The following MROH2B variants were observed in gnomAD, a reference collection of about 807,000 sequenced individuals.
MROH2B encodes maestro heat like repeat family member 2B.
In MROH2B, 177 loss-of-function variants were observed where a neutral mutation model predicts 208.6. That is an observed-to-expected ratio of 0.85 (90% CI 0.75 to 0.96). MROH2B has a LOEUF of 0.96. Among genes scored for constraint, MROH2B ranks in the 40% least tolerant of loss-of-function variants. The pLI is 0.00. For synonymous variants in MROH2B, 728 were observed against 659.0 expected, an observed-to-expected ratio of 1.10 and a Z score of -1.60; for missense variants, 2,002 against 1,878.7, an observed-to-expected ratio of 1.07 and a Z score of -1.21.
chr5:41,015,200 T>A (rs575465275), intron 29 of MROH2B, among the ~76,000 whole-genome samples, 181 bp downstream of exon 29: 1 of 152,304 alleles, frequency 6.6e-6, no homozygotes, highest in South Asian at 2.1e-4. Flanking sequence ...TTTCCCACTA[T>A]CTGAAATGAT....
At chr5:40,998,546 C>T in intron 41 of MROH2B, 66 bp downstream of exon 41, 2 of 1,322,820 alleles carry the variant, frequency 1.5e-6, no homozygotes, top group Non-Finnish European at 2.1e-6. Context: ...GAACTTAGAA[C>T]AGCAATATTT....
At chr5:40,998,916 C>A (rs1173743366) in intron 40 of MROH2B, among the ~76,000 whole-genome samples, 3 of 152,166 alleles carry the variant, frequency 2.0e-5, no homozygotes, top group Non-Finnish European at 4.4e-5. Flanking sequence ...ACACAATGAT[C>A]TTCTAAGGAG....
At position 41,001,728 on chromosome 5, in the gene MROH2B, G is replaced by GA. The variant is rs765160072; in HGVS notation, c.4195-896dup. ...CAGGACTCTGTCTCAAAAAAAGAAA[G>GA]AAAAAAAAAAGAAAACAAGAGAAAG... On this transcript the variant is annotated intron_variant, in intron 37 of 41. Coordinates refer to ENST00000399564, the MANE Select transcript of MROH2B (RefSeq NM_173489.5). Among the ~76,000 whole-genome samples the GA allele has an allele frequency of 9.9e-3, 1,460 of 147,174 alleles. 19 individuals are homozygous for GA. Among genetic ancestry groups the GA allele is most frequent in the Non-Finnish European group, 0.012 (772 of 66,596 alleles).
At chr5:41,057,930 T>A (rs1277003551) in intron 7 of MROH2B, 133 bp downstream of exon 7, 1 of 755,064 alleles carries the variant, frequency 1.3e-6, no homozygotes, top group Non-Finnish European at 1.9e-6. Context: ...CTACCTCATA[T>A]TCCTCAAGAG....
chr5:41,064,634 TCC>T (rs1360670542), intron 4 of MROH2B, 64 bp from the exon 5 acceptor site: 3 of 1,239,276 alleles, frequency 2.4e-6, no homozygotes, highest in African/African-American at 1.5e-5. Context: ...GTTCTGTGAC[TCC>T]AAATCAACAA....
At position 41,057,339 on chromosome 5, in the gene MROH2B, C is replaced by T. The variant is rs1384089639; in HGVS notation, c.778G>A (p.Ala260Thr). 1 of 1,580,090 alleles carries T rather than the reference C, an allele frequency of 6.3e-7. No homozygotes were observed. Among genetic ancestry groups the T allele is most frequent in the Non-Finnish European group, 8.6e-7 (1 of 1,161,844 alleles). The change falls in exon 8 of 42, where the codon GCA becomes ACA. Residue 260 changes from alanine to threonine, a missense_variant. Coordinates refer to ENST00000399564, the MANE Select transcript of MROH2B (RefSeq NM_173489.5). The stretch of plus-strand genomic sequence containing the variant: ...AGGCCAATGTCATAAAGAACTGCTG[C>T]AGTCAGTATTTGTTTTAGGCTCTAA... ...VTQSLKQILT[A>T]AVLYDIGLPR...
At chr5:41,058,227 C>A (rs772135345) in intron 6 of MROH2B, 24 bp from the exon 7 acceptor site, 3 of 1,470,152 alleles carry the variant, frequency 2.0e-6, no homozygotes, top group East Asian at 2.6e-5. Context: ...AAACAAATAC[C>A]GTTTCTGAAA....
chr5:41,040,916 C>T (rs914135350), intron 19 of MROH2B, among the ~76,000 whole-genome samples: 1 of 152,128 alleles, frequency 6.6e-6, no homozygotes, highest in East Asian at 1.9e-4. Context: ...CTGCCTGCCT[C>T]AGCCTCCCAA....
At chr5:41,046,653 GA>G (rs1270803453) in intron 17 of MROH2B, among the ~76,000 whole-genome samples, 2 of 150,932 alleles carry the variant, frequency 1.3e-5, no homozygotes, top group Admixed American at 1.3e-4. Context: ...GACAGTTTTG[GA>G]AAAAAAAGAC....
intron 2 of MROH2B, 106 bp downstream of exon 2, chr5:41,069,585 A>T: frequency 1.2e-6 from 1 of 849,962 alleles, no homozygotes; most frequent in East Asian, 2.7e-5. Context: ...AATGCCATGT[A>T]ACAAGCCAGA....
In MROH2B at chr5:41,055,784, C is replaced by A. The variant is rs1304914043; in HGVS notation, c.991G>T (p.Val331Leu). 1.9e-6 allele frequency: 3 copies of A among 1,613,754 alleles called. No homozygotes were observed. The highest frequency in any genetic ancestry group is 2.5e-6 in the Non-Finnish European group (3 of 1,179,842). Residue 331 changes from valine to leucine, a missense_variant, in exon 10 of 42, where the codon GTG becomes TTG. Coordinates refer to ENST00000399564, the MANE Select transcript of MROH2B (RefSeq NM_173489.5). Reference sequence around the variant, plus strand: ...AATCTTAACAAAGTCAAGATTCCCACTCGAATGGCTTCATTATTACTTCTT... The same window carrying A: ...AATCTTAACAAAGTCAAGATTCCCAATCGAATGGCTTCATTATTACTTCTT... Reference protein sequence around the residue: ...QVRSNNEAIRVGILTLLRLAV... With the variant: ...QVRSNNEAIRLGILTLLRLAV...
Position 41,054,758 on chromosome 5 carries a change from TTC to T in MROH2B, c.1107+7_1107+8del. The T allele has an allele frequency of 6.3e-7, 1 of 1,589,162 alleles. No homozygotes were observed. The highest frequency in any genetic ancestry group is 8.6e-7 in the Non-Finnish European group (1 of 1,164,090). On this transcript the variant is annotated splice_region_variant and intron_variant, in intron 11 of 41. Coordinates refer to ENST00000399564, the MANE Select transcript of MROH2B (RefSeq NM_173489.5). ...TACCATCGACAAGAGTTTCTATTAA[TTC>T]TCTTACTTTTGTACTGAGATCACCC...
Position 41,071,338 on chromosome 5 carries a change from G to A in MROH2B, c.-486C>T, listed in dbSNP as rs1370086766. ...TACACTTAGTGAAAATCAGTCATAT[G>A]AACTGAGCATGCTCAGTGGACTGGA... is the stretch of plus-strand genomic sequence containing the variant. On this transcript the variant is annotated 5_prime_UTR_variant, in exon 1 of 42. Coordinates refer to ENST00000399564, the MANE Select transcript of MROH2B (RefSeq NM_173489.5). 3.1e-5 allele frequency: 5 copies of A among 163,374 alleles called. No homozygotes were observed. Among genetic ancestry groups the A allele is most frequent in the South Asian group, 1.8e-4 (1 of 5,554 alleles). 10.1% of individuals were successfully genotyped at this position (163,374 alleles called of 1,614,324 possible).
chr5:41,064,329 T>C (rs1454811227), intron 5 of MROH2B, 143 bp downstream of exon 5: 8 of 618,808 alleles, frequency 1.3e-5, no homozygotes, highest in African/African-American at 3.7e-5. Flanking sequence ...GGACTTTCCA[T>C]GTGGTAGGCA....
At chr5:41,015,687 T>C (rs1431285768) in intron 28 of MROH2B, among the ~76,000 whole-genome samples, 1 of 152,236 alleles carries the variant, frequency 6.6e-6, no homozygotes, top group African/African-American at 2.4e-5. Context: ...ATAAACATTA[T>C]CTGAGGTAGA....
intron 2 of MROH2B, 63 bp downstream of exon 2, chr5:41,069,628 T>C: frequency 7.7e-7 from 1 of 1,299,042 alleles, no homozygotes; most frequent in Non-Finnish European, 1.1e-6. Flanking sequence ...AAGAAAAATA[T>C]ATACGAAATG....
In MROH2B at chr5:41,016,505, T is replaced by TTG. The variant is rs1271179672; in HGVS notation, c.2885-1028_2885-1027insCA. Reference sequence around the variant, plus strand: ...TTCTGTTACTACTGTAATGTTTTTTTTTTTTTTTTTTTTTTTTGAGACAGT... The same window carrying TTG: ...TTCTGTTACTACTGTAATGTTTTTTTTGTTTTTTTTTTTTTTTTTGAGACAGT... On this transcript the variant is annotated intron_variant, in intron 28 of 41. Coordinates refer to ENST00000399564, the MANE Select transcript of MROH2B (RefSeq NM_173489.5). Among the ~76,000 whole-genome samples the TTG allele has an allele frequency of 5.1e-5, 7 of 136,220 alleles. 1 individual carries two copies. Among genetic ancestry groups the TTG allele is most frequent in the Non-Finnish European group, 1.1e-4 (7 of 62,916 alleles). 89.4% of individuals were successfully genotyped at this position (136,220 alleles called of 152,430 possible).
At chr5:41,069,655 GA>G in intron 2 of MROH2B, 35 bp downstream of exon 2, 1 of 1,516,174 alleles carries the variant, frequency 6.6e-7, no homozygotes, top group South Asian at 1.2e-5. Flanking sequence ...CAAGAAGACT[GA>G]AAAAGGGAAA....
chr5:41,013,868 T>C (rs1311932598), intron 29 of MROH2B, among the ~76,000 whole-genome samples: 2 of 152,240 alleles, frequency 1.3e-5, no homozygotes, highest in Non-Finnish European at 2.9e-5. Flanking sequence ...ATTACTCATG[T>C]CTCTGCTACA....
Sources: allele counts gnomAD v4.1 joint callset (sites outside exome capture counted in the v4.1 genomes callset), GRCh38; gene constraint gnomAD v4.1.1; transcripts MANE v1.5; gene names NCBI Gene and HGNC (gene_info 2026-07-23, HGNC 2026-07-21).